GGA1: variants seen among roughly 807,000 people sequenced by gnomAD.
GGA1 encodes ADP-ribosylation factor-binding protein GGA1.
In GGA1, 18 loss-of-function variants were observed where a neutral mutation model predicts 76.9. The observed-to-expected ratio is 0.23, with a 90% CI of 0.16 to 0.35. The LOEUF (loss-of-function observed/expected upper bound fraction) is 0.35. Ranked by LOEUF, GGA1 falls within the 10% of genes least tolerant of loss-of-function variation. GGA1 has a pLI of 1.00. For synonymous variants in GGA1, 342 were observed against 354.7 expected (o/e 0.96, Z 0.40); for missense variants, 755 against 859.0 (o/e 0.88, Z 1.51).
chr22:37,618,321 C>T, intron 3 of GGA1, 127 bp from the exon 4 acceptor site: 2 of 620,538 alleles, frequency 3.2e-6, no homozygotes, highest in Non-Finnish European at 5.9e-6. Context: ...ATCTTCCAAC[C>T]TCACAGGCCA....
intron 11 of GGA1, 118 bp from the exon 12 acceptor site, chr22:37,629,344 T>C (rs1184111101): frequency 2.8e-5 from 19 of 687,474 alleles, no homozygotes; most frequent in Non-Finnish European, 3.7e-5. Context: ...GTTTCTCCCC[T>C]CCGTGCTGAG....
chr22:37,619,757 G>A (rs1929535139), intron 4 of GGA1: 2 of 776,820 alleles, frequency 2.6e-6, no homozygotes, highest in South Asian at 2.7e-5. Flanking sequence ...TTTGACCAGA[G>A]CTACTGAATA....
Position 37,632,736 on chromosome 22 carries a change from G to A in GGA1, c.*25G>A. On this transcript the variant is annotated 3_prime_UTR_variant, in exon 17 of 17. Transcript: ENST00000343632. This position sits in a 1 kb window ranked among gnomAD's most constrained non-coding sequence, Gnocchi z 5.1. ...GAACAGAGGGGCTGGGGAGAGGAAG[G>A]GGCAGAGGGACCGGTCACTGTCCAG... The A allele has an allele frequency of 1.5e-6, 2 of 1,354,496 alleles. No individual in the cohort carries two copies. Among genetic ancestry groups the A allele is most frequent in the Non-Finnish European group, 2.1e-6 (2 of 959,326 alleles). The allele number at this position is 1,354,496 out of a possible 1,614,324, so 83.9% of individuals were successfully genotyped here.
chr22:37,614,973 T>C (rs1017194793), intron 2 of GGA1, among the ~76,000 whole-genome samples: 1 of 152,052 alleles, frequency 6.6e-6, no homozygotes, highest in Non-Finnish European at 1.5e-5. Context: ...AGTGAGACTC[T>C]GTCTCGAAAA....
chr22:37,622,491 C>T lies in GGA1; in HGVS notation c.609+795C>T, dbSNP rs1488058164. 2.6e-5 allele frequency among the ~76,000 whole-genome samples: 4 copies of T among 151,922 alleles called. No homozygotes were observed. The South Asian group carries it at 6.2e-4, about 24-fold the overall frequency. ...GGAGTGCAGTGGCACGATCATGGCT[C>T]ACTGCAGCCTCGACCTCCTGGGCTC... On this transcript the variant is annotated intron_variant, in intron 7 of 16. Transcript: ENST00000343632.
intron 1 of GGA1, chr22:37,613,183 G>A: frequency 1.0e-6 from 1 of 984,008 alleles, no homozygotes; most frequent in Non-Finnish European, 1.2e-6. Flanking sequence ...TTCTGAACCT[G>A]GTGTGATGGT....
intron 3 of GGA1, chr22:37,618,232 G>A (rs1929184917): frequency 3.8e-6 from 2 of 520,666 alleles, no homozygotes; most frequent in East Asian, 3.0e-5. Flanking sequence ...GTTGGGCATT[G>A]CTGGGCACTG....
intron 1 of GGA1, 90 bp downstream of exon 1, chr22:37,608,993 G>GC (rs1926922296): frequency 1.5e-6 from 2 of 1,346,116 alleles, no homozygotes; most frequent in African/African-American, 1.6e-5. Flanking sequence ...GGTACGGGTC[G>GC]CCCCCTCCTC....
chr22:37,613,933 G>A, intron 1 of GGA1: 2 of 468,266 alleles, frequency 4.3e-6, no homozygotes. Context: ...GCAGGGGTGG[G>A]AGGAGTGGGG....
chr22:37,612,509 C>A (rs1288255257), intron 1 of GGA1: 1 of 133,722 alleles, frequency 7.5e-6, no homozygotes, highest in Non-Finnish European at 1.6e-5. Context: ...CGGTGGCTCA[C>A]ACCTGTAATC....
Position 37,626,243 on chromosome 22 carries a change from A to G in GGA1, c.1093+294A>G, listed in dbSNP as rs906186042. On this transcript the variant is annotated intron_variant, in intron 11 of 16. Transcript: ENST00000343632. The stretch of plus-strand genomic sequence containing the variant: ...GGGGAAACCAGGGGATTTCCCCGCA[A>G]CAGGTTAGAGCCTGGAATTGAGAAC... The G allele has an allele frequency of 3.7e-5, 11 of 296,466 alleles. 1 individual carries two copies. The highest frequency in any genetic ancestry group is 3.3e-4 in the East Asian group (6 of 18,326). The allele number at this position is 296,466 out of a possible 1,614,324, so 18.4% of individuals were successfully genotyped here.
intron 5 of GGA1, among the ~76,000 whole-genome samples, 179 bp from the exon 6 acceptor site, chr22:37,620,634 A>G (rs1370388079): frequency 6.6e-6 from 1 of 152,168 alleles, no homozygotes; most frequent in East Asian, 1.9e-4. Context: ...CATCTCCCCC[A>G]GGCAATTTTG....
At chr22:37,628,361 C>T (rs1931221688) in intron 11 of GGA1, among the ~76,000 whole-genome samples, 1 of 152,218 alleles carries the variant, frequency 6.6e-6, no homozygotes, top group South Asian at 2.1e-4. Flanking sequence ...CTGCACCTGG[C>T]TGGTGTCTCC....
In GGA1 at chr22:37,630,121, A is replaced by G. The variant is rs376214395; in HGVS notation, c.1282A>G (p.Lys428Glu). ...SGLDDLDLLG[K>E]TLLQQSLPPE... ...TCTGGACGACCTAGACCTCCTGGGG[A>G]AGACCCTCCTGCAGCAGTCGCTGCC... The change falls in exon 13 of 17, where the codon AAG becomes GAG. Residue 428 changes from lysine to glutamate, a missense_variant. By Grantham distance (56) the Lys-to-Glu change is moderately conservative (BLOSUM62 1). Transcript: ENST00000343632. 1.2e-4 allele frequency: 192 copies of G among 1,607,720 alleles called. No homozygotes were observed. Among genetic ancestry groups the G allele is most frequent in the Admixed American group, 4.9e-4 (29 of 59,462 alleles).
Position 37,619,598 on chromosome 22 carries a change from G to A in GGA1, c.304-640G>A, listed in dbSNP as rs187874452. On this transcript the variant is annotated intron_variant, in intron 4 of 16. Transcript: ENST00000343632. ...TCACCATATTGGTCAGGCTGGTCTT[G>A]AACTCCTGACCTCATGATCCACCTG... Among the ~76,000 whole-genome samples the A allele has an allele frequency of 8.5e-4, 130 of 152,172 alleles. 2 individuals are homozygous for A. The East Asian group carries it at 0.019, about 22-fold the overall frequency.
chr22:37,626,224 A>T (rs556937844), intron 11 of GGA1: 18 of 334,338 alleles, frequency 5.4e-5, no homozygotes, highest in African/African-American at 3.4e-4. Context: ...CTGGGGGGAA[A>T]CCAGGGGATT....
At chr22:37,617,917 T>C (rs368260536) in intron 3 of GGA1, 3 of 175,468 alleles carry the variant, frequency 1.7e-5, no homozygotes, top group Admixed American at 1.4e-4. Context: ...AGATCAGGAG[T>C]TCAAGATCAG....
chr22:37,613,045 G>A (rs1928032858), intron 1 of GGA1: 1 of 985,342 alleles, frequency 1.0e-6, no homozygotes, highest in Non-Finnish European at 1.2e-6. Flanking sequence ...GTGGACATGA[G>A]TGGCTGGGAT....
At position 37,631,880 on chromosome 22, in the gene GGA1, T is replaced by A; in HGVS notation, c.1529-116T>A. 3.7e-6 allele frequency: 3 copies of A among 816,772 alleles called. No individual in the cohort carries two copies. The South Asian group carries it at 5.0e-5, about 14-fold the overall frequency. The allele number at this position is 816,772 out of a possible 1,614,324, so 50.6% of individuals were successfully genotyped here. ...TCCAGGTAAGGCCCCAAAGGAGGAC[T>A]TTGCTCTTGTTGCCAGTACAGCAGC... On this transcript the variant is annotated intron_variant, in intron 14 of 16. Coordinates refer to ENST00000343632, the MANE Select transcript of GGA1 (RefSeq NM_013365.5).
Sources: allele counts gnomAD v4.1 joint callset (sites outside exome capture counted in the v4.1 genomes callset), GRCh38; gene constraint gnomAD v4.1.1; non-coding constraint Gnocchi (gnomAD v3.1); transcripts MANE v1.5; gene names NCBI Gene and HGNC (gene_info 2026-07-23, HGNC 2026-07-21).